The following ACYP2 variants were observed in gnomAD, a reference collection of about 807,000 sequenced individuals.
The protein encoded by ACYP2 is acylphosphatase-2.
Under a neutral mutation model 11.2 loss-of-function variants are expected in ACYP2, and 12 were observed. The observed-to-expected ratio is 1.08, with a 90% confidence interval of 0.69 to 1.74. ACYP2 has a LOEUF of 1.74. ACYP2 is among the 40% of genes most tolerant of loss of function. The pLI, the probability that ACYP2 is intolerant of heterozygous loss-of-function variation, is 0.00. For missense variants in ACYP2, 134 were observed against 101.9 expected (o/e 1.31, Z -1.35); for synonymous variants, 43 against 32.2 (o/e 1.33, Z -1.13).
chr2:54,034,251 G>A (rs969658298), intron 2 of ACYP2, among the ~76,000 whole-genome samples: 18 of 152,122 alleles, frequency 1.2e-4, no homozygotes, highest in African/African-American at 3.6e-4. Flanking sequence ...CCAGCTACTC[G>A]GGAGGCTGAG....
At chr2:54,060,042 T>G (rs151150944) in intron 4 of ACYP2, among the ~76,000 whole-genome samples, 1 of 152,354 alleles carries the variant, frequency 6.6e-6, no homozygotes, top group African/African-American at 2.4e-5. Flanking sequence ...AAGTCTTTTT[T>G]AATTCATTGG....
chr2:53,976,486 G>A (rs1158809014), intron 2 of ACYP2, among the ~76,000 whole-genome samples: 1 of 152,034 alleles, frequency 6.6e-6, no homozygotes, highest in East Asian at 1.9e-4. Flanking sequence ...GGATTACAGG[G>A]GTTAGCCACC....
chr2:54,045,303 G>A (rs1675455261), intron 2 of ACYP2, among the ~76,000 whole-genome samples: 1 of 152,162 alleles, frequency 6.6e-6, no homozygotes, highest in African/African-American at 2.4e-5. Flanking sequence ...ATGGATTTGA[G>A]GGTCTCCTCC....
At chr2:54,027,706 G>C (rs1057075989) in intron 2 of ACYP2, among the ~76,000 whole-genome samples, 1 of 151,966 alleles carries the variant, frequency 6.6e-6, no homozygotes, top group Non-Finnish European at 1.5e-5. Context: ...AACCAATATT[G>C]ATACATTATT....
At chr2:54,159,210 C>G (rs1369764887) in intron 6 of ACYP2, among the ~76,000 whole-genome samples, 3 of 151,808 alleles carry the variant, frequency 2.0e-5, no homozygotes, top group African/African-American at 7.3e-5. Flanking sequence ...GTCAATACTG[C>G]CTGAGATCAC....
chr2:54,058,414 C>T (rs573289783), intron 4 of ACYP2, among the ~76,000 whole-genome samples: 43 of 152,008 alleles, frequency 2.8e-4, no homozygotes, highest in Admixed American at 5.2e-4. Flanking sequence ...TCATTATACA[C>T]CTATGTCTTC....
At chr2:53,997,198 C>T (rs1177549121) in intron 2 of ACYP2, among the ~76,000 whole-genome samples, 3 of 152,172 alleles carry the variant, frequency 2.0e-5, no homozygotes, top group Non-Finnish European at 4.4e-5. Flanking sequence ...CATTTACTCT[C>T]CTATAGAAAG....
chr2:54,024,060 T>C (rs1674150203), intron 2 of ACYP2, among the ~76,000 whole-genome samples: 1 of 152,148 alleles, frequency 6.6e-6, no homozygotes, highest in Non-Finnish European at 1.5e-5. Context: ...ACTAGCTAAC[T>C]GAATCTAACA....
At chr2:53,975,418 C>T (rs888084414) in intron 2 of ACYP2, 23 of 393,612 alleles carry the variant, frequency 5.8e-5, no homozygotes, top group East Asian at 2.5e-4. Flanking sequence ...ACCTTTCTTT[C>T]GGGGAGCTGG....
chr2:54,191,928 C>T (rs1684258540), intron 6 of ACYP2, among the ~76,000 whole-genome samples: 1 of 152,192 alleles, frequency 6.6e-6, no homozygotes, highest in African/African-American at 2.4e-5. Context: ...GTGGGCTCCA[C>T]TGAGAAAATG....
At chr2:54,007,138 CAAAAAAA>C (rs70944145) in intron 2 of ACYP2, among the ~76,000 whole-genome samples, 945 of 52,210 alleles carry the variant, frequency 0.018, 4 homozygotes, top group African/African-American at 0.029. Flanking sequence ...GACTCTGTGT[CAAAAAAA>C]AAAAAAAAAA....
intron 6 of ACYP2, among the ~76,000 whole-genome samples, chr2:54,192,994 G>A (rs1684298909): frequency 6.6e-6 from 1 of 152,182 alleles, no homozygotes; most frequent in African/African-American, 2.4e-5. Context: ...TGAGATTTGG[G>A]TAGAGACACA....
chr2:54,169,707 A>G (rs1272072953), intron 6 of ACYP2, among the ~76,000 whole-genome samples: 2 of 152,172 alleles, frequency 1.3e-5, no homozygotes, highest in Non-Finnish European at 2.9e-5. Context: ...CGAGAAAAAT[A>G]TTGCCTTCTA....
intron 4 of ACYP2, among the ~76,000 whole-genome samples, chr2:54,097,827 T>C (rs1382529391): frequency 6.6e-6 from 1 of 151,972 alleles, no homozygotes; most frequent in Non-Finnish European, 1.5e-5. Context: ...TTATACCTAA[T>C]GAATTAACAA....
In ACYP2 at chr2:53,989,300, T is replaced by TC. The variant is rs201775685; in HGVS notation, c.62+15491dup. 3.0e-3 allele frequency among the ~76,000 whole-genome samples: 437 copies of TC among 147,212 alleles called. 1 individual carries two copies. The highest frequency in any genetic ancestry group is 0.011 in the East Asian group (54 of 4,966). Reference sequence around the variant, plus strand: ...TTCTTTTTTTTTTTTTTTTTTTTTTTCACAGACAAGGATTCCCAGGCTCAA... The same window carrying TC: ...TTCTTTTTTTTTTTTTTTTTTTTTTTCCACAGACAAGGATTCCCAGGCTCAA... On this transcript the variant is annotated intron_variant, in intron 2 of 6. Coordinates refer to ENST00000607452, the MANE Select transcript of ACYP2 (RefSeq NM_001320586.2).
chr2:53,999,900 C>G (rs1466625061), intron 2 of ACYP2, among the ~76,000 whole-genome samples: 10 of 152,104 alleles, frequency 6.6e-5, no homozygotes, highest in African/African-American at 9.7e-5. Flanking sequence ...CAGTTAGTGT[C>G]TGAAGTCAAA....
At chr2:54,102,562 GTC>G (rs1678951509) in intron 4 of ACYP2, among the ~76,000 whole-genome samples, 1 of 131,294 alleles carries the variant, frequency 7.6e-6, no homozygotes, top group African/African-American at 3.0e-5. Flanking sequence ...CATCTTTGTT[GTC>G]TCTGATTTAA....
chr2:54,209,115 T>C (rs948716862), intron 6 of ACYP2, among the ~76,000 whole-genome samples: 1 of 151,894 alleles, frequency 6.6e-6, no homozygotes, highest in African/African-American at 2.4e-5. Context: ...CTGAAAAAAA[T>C]CTGTTTTCTT....
chr2:54,007,103 C>T lies in ACYP2; in HGVS notation c.62+33293C>T, dbSNP rs538002778. Among the ~76,000 whole-genome samples the T allele has an allele frequency of 4.1e-5, 5 of 122,270 alleles. No individual in the cohort carries two copies. The East Asian group carries it at 8.9e-4, about 22-fold the overall frequency. The allele number at this position is 122,270 out of a possible 152,430, so 80.2% of individuals were successfully genotyped here. On this transcript the variant is annotated intron_variant, in intron 2 of 6. Transcript: ENST00000607452. ...GCAGTGAGCTGAGATTGTACCACTGCACTCCAGCCTGGGCAACAGAGAGAG... is the reference window on the plus strand; with the variant it reads ...GCAGTGAGCTGAGATTGTACCACTGTACTCCAGCCTGGGCAACAGAGAGAG...
Sources: allele counts gnomAD v4.1 joint callset (sites outside exome capture counted in the v4.1 genomes callset), GRCh38; gene constraint gnomAD v4.1.1; transcripts MANE v1.5; gene names NCBI Gene and HGNC (gene_info 2026-07-23, HGNC 2026-07-21).